The following CSMD1 variants were observed in gnomAD, a reference collection of about 807,000 sequenced individuals.
The protein encoded by CSMD1 is CUB and Sushi multiple domains 1.
A neutral mutation model predicts 417.5 loss-of-function variants in CSMD1; 213 were observed. The ratio of observed to expected loss-of-function variants is 0.51; its 90% CI spans 0.46 to 0.57. The LOEUF (loss-of-function observed/expected upper bound fraction) is 0.57, where lower values mean the gene tolerates loss of function less well. CSMD1 is among the 20% of genes least tolerant of loss of function. CSMD1 has a pLI of 0.00. For missense variants in CSMD1, 6,923 were observed against 4,529.7 expected (o/e 1.53, Z -15.17); for synonymous variants, 2,862 against 1,736.8 (o/e 1.65, Z -16.11).
At chr8:4,858,258 C>A (rs1324113008) in intron 1 of CSMD1, among the ~76,000 whole-genome samples, 10 of 150,906 alleles carry the variant, frequency 6.6e-5, no homozygotes, top group African/African-American at 2.2e-4. Flanking sequence ...ATTGATGGGA[C>A]GTATTTCAAA....
At chr8:4,152,210 C>T (rs1585431008) in intron 3 of CSMD1, among the ~76,000 whole-genome samples, 1 of 152,212 alleles carries the variant, frequency 6.6e-6, no homozygotes, top group South Asian at 2.1e-4. Context: ...GAAGAAGGAA[C>T]ACCATACACT....
At chr8:4,610,067 C>T (rs1801083234) in intron 2 of CSMD1, among the ~76,000 whole-genome samples, 2 of 151,542 alleles carry the variant, frequency 1.3e-5, no homozygotes, top group African/African-American at 4.8e-5. Context: ...CATCCAAATT[C>T]TTGCTATAAG....
chr8:4,780,393 G>C (rs1160835442), intron 1 of CSMD1, among the ~76,000 whole-genome samples: 2 of 151,844 alleles, frequency 1.3e-5, no homozygotes, highest in Non-Finnish European at 2.9e-5. Flanking sequence ...ACTCAAGGCA[G>C]TTCATTCTGA....
intron 31 of CSMD1, among the ~76,000 whole-genome samples, chr8:3,204,398 T>TAA (rs60509525): frequency 1.4e-4 from 21 of 148,400 alleles, no homozygotes; most frequent in African/African-American, 4.5e-4. Flanking sequence ...AGCATTTAGG[T>TAA]AAAAAAAAAA....
chr8:3,291,176 C>G (rs1171523938), intron 25 of CSMD1, among the ~76,000 whole-genome samples: 1 of 152,130 alleles, frequency 6.6e-6, no homozygotes, highest in African/African-American at 2.4e-5. Flanking sequence ...GGATGAAACC[C>G]ACTTGATCAT....
intron 3 of CSMD1, among the ~76,000 whole-genome samples, chr8:4,278,513 G>A (rs754127595): frequency 6.6e-6 from 1 of 152,124 alleles, no homozygotes; most frequent in Non-Finnish European, 1.5e-5. Context: ...AAGTAATTGT[G>A]AGTTTTACCA....
At chr8:3,271,892 C>G (rs1362778785) in intron 26 of CSMD1, among the ~76,000 whole-genome samples, 4 of 152,126 alleles carry the variant, frequency 2.6e-5, no homozygotes, top group East Asian at 3.9e-4. Flanking sequence ...CCTGTTCACT[C>G]TGATGGTAGT....
chr8:3,364,794 T>A (rs1809444684), intron 20 of CSMD1, among the ~76,000 whole-genome samples: 1 of 152,206 alleles, frequency 6.6e-6, no homozygotes, highest in Non-Finnish European at 1.5e-5. Context: ...GGGTCCAGAA[T>A]TGAGAAACAA....
intron 16 of CSMD1, 147 bp from the exon 17 acceptor site, chr8:3,396,528 C>T: frequency 1.7e-6 from 1 of 589,326 alleles, no homozygotes; most frequent in Non-Finnish European, 2.9e-6. Context: ...AACTTGGGTA[C>T]AAATATAAGG....
intron 1 of CSMD1, among the ~76,000 whole-genome samples, chr8:4,926,353 C>A (rs1806872487): frequency 1.3e-5 from 2 of 152,084 alleles, no homozygotes; most frequent in Admixed American, 1.3e-4. Context: ...TGCTCTGACC[C>A]CACCATGAAC....
chr8:2,946,865 T>A lies in CSMD1; in HGVS notation c.10402+2434A>T, dbSNP rs540472404. Among the ~76,000 whole-genome samples the A allele has an allele frequency of 1.5e-4, 23 of 152,310 alleles. No individual in the cohort carries two copies. In the South Asian group the frequency reaches 3.5e-3, roughly 23 times the overall value. ...CCCAGCAAAGTAGGACAGTTCCAGT[T>A]CCTCCGCCTCCTTGCCACCCTTTGC... On this transcript the variant is annotated intron_variant, in intron 68 of 69. Coordinates refer to ENST00000635120, the MANE Select transcript of CSMD1 (RefSeq NM_033225.6).
chr8:4,951,761 C>T (rs10448107), intron 1 of CSMD1, among the ~76,000 whole-genome samples: 127,842 of 151,422 alleles, frequency 0.84, 54,153 homozygotes, highest in Admixed American at 0.87. Flanking sequence ...CCACCCACAC[C>T]CCCTACCTTT....
chr8:4,352,707 A>T (rs191167683), intron 3 of CSMD1, among the ~76,000 whole-genome samples: 1 of 152,226 alleles, frequency 6.6e-6, no homozygotes, highest in African/African-American at 2.4e-5. Context: ...TACTTTCAAG[A>T]ACACAAATAA....
intron 12 of CSMD1, among the ~76,000 whole-genome samples, chr8:3,451,896 T>C (rs1279268312): frequency 6.6e-6 from 1 of 152,218 alleles, no homozygotes; most frequent in Non-Finnish European, 1.5e-5. Context: ...AATCTATAAA[T>C]TACCTTGGGC....
At chr8:3,104,374 T>G (rs556227125) in intron 46 of CSMD1, among the ~76,000 whole-genome samples, 1 of 152,246 alleles carries the variant, frequency 6.6e-6, no homozygotes, top group East Asian at 1.9e-4. Context: ...CAATCCCCAC[T>G]TCTAAGTAAG....
intron 33 of CSMD1, 116 bp from the exon 34 acceptor site, chr8:3,190,231 TAACGACTCCAACAATCGCTATAGAG>T: frequency 3.0e-6 from 2 of 667,422 alleles, no homozygotes; most frequent in South Asian, 3.6e-5. Context: ...GAGAATTTAA[TAACGACTCCAACAATCGCTATAGAG>T]AATGATTTGA....
At chr8:4,403,566 G>C (rs912768495) in intron 3 of CSMD1, among the ~76,000 whole-genome samples, 1 of 152,086 alleles carries the variant, frequency 6.6e-6, no homozygotes, top group Non-Finnish European at 1.5e-5. Context: ...CTTCCTGAAA[G>C]GCTTGAGTTG....
intron 2 of CSMD1, among the ~76,000 whole-genome samples, chr8:4,629,954 G>A (rs377702790): frequency 1.3e-4 from 20 of 151,940 alleles, no homozygotes; most frequent in African/African-American, 4.4e-4. Flanking sequence ...CTAGCCAACC[G>A]CAATATTTGA....
chr8:4,837,229 C>A (rs75906095), intron 1 of CSMD1, among the ~76,000 whole-genome samples: 3,750 of 152,224 alleles, frequency 0.025, 70 homozygotes, highest in Non-Finnish European at 0.034. Context: ...GTAAAGCTAT[C>A]ATATCATCTA....
Sources: gnomAD v4.1 joint callset for allele counts (sites outside exome capture counted in the v4.1 genomes callset) on GRCh38, gnomAD v4.1.1 for gene constraint, MANE v1.5 for transcripts, NCBI Gene and HGNC (gene_info 2026-07-23, HGNC 2026-07-21) for gene names.